The following CFAP47 variants were observed in gnomAD, a reference collection of about 807,000 sequenced individuals.
CFAP47 encodes cilia- and flagella-associated protein 47.
Under a neutral mutation model 148.1 loss-of-function variants are expected in CFAP47, and 29 were observed. The observed-to-expected ratio is 0.20, with a 90% CI of 0.15 to 0.27. The LOEUF (loss-of-function observed/expected upper bound fraction) is 0.27. Among genes scored for constraint, CFAP47 ranks in the 10% least tolerant of loss-of-function variants. The pLI, the probability that CFAP47 is intolerant of heterozygous loss-of-function variation, is 1.00. For missense variants in CFAP47, 1,872 were observed against 1,697.5 expected, an observed-to-expected ratio of 1.10 and a Z score of -1.81; for synonymous variants, 664 against 577.3, an observed-to-expected ratio of 1.15 and a Z score of -2.15.
intron 39 of CFAP47, among the ~76,000 whole-genome samples, chrX:36,162,852 A>C (rs1939446848): frequency 8.9e-6 from 1 of 111,983 alleles, no homozygotes; most frequent in South Asian, 3.6e-4. Context: ...TACAATTATA[A>C]TATTTAATAG....
intron 62 of CFAP47, among the ~76,000 whole-genome samples, chrX:36,371,571 G>GTGTGTATATATATGTGTATACA (rs1941936104): frequency 3.1e-5 from 3 of 97,922 alleles, no homozygotes; most frequent in African/African-American, 1.1e-4. Flanking sequence ...GTATATATAT[G>GTGTGTATATATATGTGTATACA]TGTGTATATA....
chrX:35,999,130 C>T (rs1936883698), intron 19 of CFAP47, among the ~76,000 whole-genome samples: 1 of 111,838 alleles, frequency 8.9e-6, no homozygotes, highest in African/African-American at 3.2e-5. Context: ...CATATATGCT[C>T]ATTTGAATGG....
intron 33 of CFAP47, among the ~76,000 whole-genome samples, chrX:36,137,683 T>G (rs752129607): frequency 9.0e-6 from 1 of 110,960 alleles, no homozygotes; most frequent in Non-Finnish European, 1.9e-5. Flanking sequence ...TTTGAAACAT[T>G]GAATTTCTAT....
chrX:36,099,999 T>C, intron 32 of CFAP47, 120 bp downstream of exon 32: 1 of 415,360 alleles, frequency 2.4e-6, no homozygotes, highest in Non-Finnish European at 4.0e-6. Context: ...ATGAGAGATT[T>C]TTTTTTATTG....
At chrX:36,182,954 AC>A (rs1162307278) in intron 40 of CFAP47, among the ~76,000 whole-genome samples, 2 of 112,284 alleles carry the variant, frequency 1.8e-5, no homozygotes, top group Non-Finnish European at 3.8e-5. Flanking sequence ...AGCTTTAAGA[AC>A]CAGTGAGAAA....
At chrX:36,240,488 G>A (rs965698908) in intron 48 of CFAP47, among the ~76,000 whole-genome samples, 1 of 111,185 alleles carries the variant, frequency 9.0e-6, no homozygotes, top group Non-Finnish European at 1.9e-5. Flanking sequence ...AGTACAATGA[G>A]AATTATTAAT....
chrX:35,988,858 A>G (rs1253081173), intron 15 of CFAP47, among the ~76,000 whole-genome samples: 4 of 111,982 alleles, frequency 3.6e-5, no homozygotes, highest in Admixed American at 9.5e-5. Flanking sequence ...ATGTATTTCA[A>G]AAAACTTCTG....
At chrX:36,274,718 T>C (rs1484123667) in intron 49 of CFAP47, among the ~76,000 whole-genome samples, 5 of 112,369 alleles carry the variant, frequency 4.4e-5, no homozygotes, top group African/African-American at 1.6e-4. Context: ...GAACATTTGC[T>C]GAATGCTTTA....
At chrX:36,194,349 C>A (rs1382563884) in intron 42 of CFAP47, among the ~76,000 whole-genome samples, 2 of 111,438 alleles carry the variant, frequency 1.8e-5, no homozygotes, top group Non-Finnish European at 3.8e-5. Context: ...AAGTTCCAGA[C>A]TTTCCCTCAT....
intron 26 of CFAP47, among the ~76,000 whole-genome samples, chrX:36,061,368 A>G (rs1214572075): frequency 8.9e-6 from 1 of 111,905 alleles, no homozygotes; most frequent in Non-Finnish European, 1.9e-5. Flanking sequence ...TCGTAACTCT[A>G]TTACTGATTA....
At chrX:36,171,042 G>T (rs1433679278) in intron 39 of CFAP47, among the ~76,000 whole-genome samples, 25 of 111,086 alleles carry the variant, frequency 2.3e-4, no homozygotes, top group Admixed American at 1.5e-3. Flanking sequence ...TTTCTCTGAT[G>T]GCCAGTGATG....
intron 56 of CFAP47, among the ~76,000 whole-genome samples, chrX:36,311,971 T>C (rs782383752): frequency 1.2e-4 from 13 of 111,125 alleles, no homozygotes; most frequent in Non-Finnish European, 2.3e-4. Flanking sequence ...AAAATTCCCT[T>C]ATAAGAATTT....
chrX:36,068,553 C>CA (rs1229213275), intron 27 of CFAP47, among the ~76,000 whole-genome samples: 2 of 111,467 alleles, frequency 1.8e-5, no homozygotes, highest in African/African-American at 3.3e-5. Context: ...TTCTGAACAC[C>CA]AAAAAATTAT....
intron 21 of CFAP47, among the ~76,000 whole-genome samples, chrX:36,010,507 G>T (rs1053769451): frequency 9.4e-6 from 1 of 106,850 alleles, no homozygotes; most frequent in Non-Finnish European, 1.9e-5. Context: ...GCCCAGGCTG[G>T]AGTGCAGTGG....
At chrX:36,266,011 ATGAG>A (rs1940886903) in intron 49 of CFAP47, among the ~76,000 whole-genome samples, 1 of 112,171 alleles carries the variant, frequency 8.9e-6, no homozygotes, top group African/African-American at 3.2e-5. Flanking sequence ...TACTCTATCC[ATGAG>A]TGACTGGTAC....
intron 30 of CFAP47, among the ~76,000 whole-genome samples, chrX:36,092,361 G>T (rs1456579874): frequency 9.0e-6 from 1 of 110,815 alleles, no homozygotes; most frequent in Non-Finnish European, 1.9e-5. Flanking sequence ...TGATCTCTCT[G>T]TTAGATGTTT....
chrX:36,253,573 C>T (rs1013928535), intron 49 of CFAP47, among the ~76,000 whole-genome samples: 10 of 111,077 alleles, frequency 9.0e-5, no homozygotes, highest in Admixed American at 3.8e-4. Flanking sequence ...TGTGTACGCA[C>T]GTGTGTTATG....
At chrX:36,092,762 ATG>A (rs1206249378) in intron 30 of CFAP47, among the ~76,000 whole-genome samples, 1 of 110,644 alleles carries the variant, frequency 9.0e-6, no homozygotes, top group African/African-American at 3.3e-5. Flanking sequence ...CAAATAATCT[ATG>A]TATACTATCA....
chrX:36,343,036 C>G (rs1420952049), intron 57 of CFAP47, among the ~76,000 whole-genome samples: 3 of 111,203 alleles, frequency 2.7e-5, no homozygotes, highest in African/African-American at 9.8e-5. Flanking sequence ...TTGTTCAACT[C>G]CCACTTATGA....
Sources: allele counts gnomAD v4.1 joint callset (sites outside exome capture counted in the v4.1 genomes callset), GRCh38; gene constraint gnomAD v4.1.1; transcripts MANE v1.5; gene names NCBI Gene and HGNC (gene_info 2026-07-23, HGNC 2026-07-21).